RAD51B: variants seen among roughly 807,000 people sequenced by gnomAD.
RAD51B encodes DNA repair protein RAD51 homolog 2.
In RAD51B, 38 loss-of-function variants were observed where a neutral mutation model predicts 42.2. The observed-to-expected ratio is 0.90, with a 90% CI of 0.70 to 1.18. RAD51B has a LOEUF of 1.18. Among genes scored for constraint, RAD51B ranks in the 50% most tolerant of loss-of-function variants. The pLI, the probability that RAD51B is intolerant of heterozygous loss-of-function variation, is 0.00. For missense variants in RAD51B, 373 were observed against 400.7 expected (o/e 0.93, Z 0.59); for synonymous variants, 154 against 145.2 (o/e 1.06, Z -0.43).
chr14:68,010,528 A>G (rs1300356897), intron 7 of RAD51B, among the ~76,000 whole-genome samples: 3 of 151,798 alleles, frequency 2.0e-5, no homozygotes, highest in Non-Finnish European at 4.4e-5. Flanking sequence ...ATACAAATAT[A>G]TAAGATTTTA....
chr14:67,834,636 T>C (rs1335926911), intron 3 of RAD51B, among the ~76,000 whole-genome samples: 1 of 152,136 alleles, frequency 6.6e-6, no homozygotes, highest in African/African-American at 2.4e-5. Flanking sequence ...GTTTCCTCTC[T>C]TGCTTCTTGA....
intron 7 of RAD51B, among the ~76,000 whole-genome samples, chr14:68,223,887 G>A (rs565043190): frequency 6.6e-6 from 1 of 152,340 alleles, no homozygotes; most frequent in Admixed American, 6.5e-5. Flanking sequence ...TTAGCCAGCA[G>A]GGAGGGAGGC....
intron 4 of RAD51B, among the ~76,000 whole-genome samples, chr14:67,854,256 A>G (rs564798821): frequency 1.3e-5 from 2 of 152,336 alleles, no homozygotes; most frequent in East Asian, 3.9e-4. Flanking sequence ...CCTCCAAAAC[A>G]ACTTTTACCC....
At position 68,235,703 on chromosome 14, in the gene RAD51B, C is replaced by CAAAAAA. The variant is rs57180468; in HGVS notation, c.757-56157_757-56152dup. 2.3e-3 allele frequency among the ~76,000 whole-genome samples: 33 copies of CAAAAAA among 14,070 alleles called. 1 individual carries two copies. The highest frequency in any genetic ancestry group is 5.1e-3 in the African/African-American group (32 of 6,288). 9.2% of individuals were successfully genotyped at this position (14,070 alleles called of 152,430 possible). Reference sequence around the variant, plus strand: ...TGGGCGACAGAGCGAGACTCCGTCTCAAAAAAAAAAAAAAAAAAAAAAAAA... The same window carrying CAAAAAA: ...TGGGCGACAGAGCGAGACTCCGTCTCAAAAAAAAAAAAAAAAAAAAAAAAAAAAAAA... On this transcript the variant is annotated intron_variant, in intron 7 of 10. Transcript: ENST00000471583.
chr14:68,613,313 G>A (rs1303073239), downstream of RAD51B, among the ~76,000 whole-genome samples: 1 of 151,990 alleles, frequency 6.6e-6, no homozygotes, highest in African/African-American at 2.4e-5. Flanking sequence ...AGCTACTTGG[G>A]AGGCTGAGAC....
chr14:67,961,020 T>C (rs192430654), intron 7 of RAD51B, among the ~76,000 whole-genome samples: 155 of 152,262 alleles, frequency 1.0e-3, no homozygotes, highest in African/African-American at 3.6e-3. Flanking sequence ...ATTCATTCAT[T>C]TATTCAAGAC....
At chr14:68,364,268 A>C (rs540295524) in intron 8 of RAD51B, among the ~76,000 whole-genome samples, 46 of 151,952 alleles carry the variant, frequency 3.0e-4, no homozygotes, top group East Asian at 1.2e-3. Flanking sequence ...CCCTGTCTCC[A>C]CTCAAGACAC....
intron 7 of RAD51B, among the ~76,000 whole-genome samples, chr14:67,911,402 A>T (rs1388117144): frequency 6.6e-6 from 1 of 152,104 alleles, no homozygotes; most frequent in Non-Finnish European, 1.5e-5. Flanking sequence ...GAGAAGTATT[A>T]TTTTACACCA....
chr14:68,374,354 G>A (rs1001239983), intron 8 of RAD51B, among the ~76,000 whole-genome samples: 10 of 152,224 alleles, frequency 6.6e-5, no homozygotes, highest in Non-Finnish European at 1.3e-4. Flanking sequence ...GTATCTTCCA[G>A]TGGATGTCAA....
intron 10 of RAD51B, among the ~76,000 whole-genome samples, chr14:68,488,620 C>T (rs942824360): frequency 5.3e-5 from 8 of 152,200 alleles, no homozygotes; most frequent in African/African-American, 1.7e-4. Context: ...GTCAGTTTAG[C>T]GGGAATCCCC....
chr14:68,388,078 G>GTGTATA lies in RAD51B; in HGVS notation c.854-23345_854-23344insGTATAT, dbSNP rs1555402265. ...ATTGTGTGTGTGTGTGTGTGTGTGT[G>GTGTATA]TATATATATATATATATTTTTTTTT... On this transcript the variant is annotated intron_variant, in intron 8 of 10. Coordinates refer to ENST00000471583, the MANE Select transcript of RAD51B (RefSeq NM_133510.4). 2.0e-4 allele frequency among the ~76,000 whole-genome samples: 22 copies of GTGTATA among 112,210 alleles called. No individual in the cohort carries two copies. The East Asian group carries it at 2.1e-3, about 11-fold the overall frequency. 73.6% of individuals were successfully genotyped at this position (112,210 alleles called of 152,430 possible).
At chr14:68,299,423 A>G (rs1054212145) in intron 8 of RAD51B, among the ~76,000 whole-genome samples, 9 of 152,100 alleles carry the variant, frequency 5.9e-5, no homozygotes, top group African/African-American at 2.2e-4. Flanking sequence ...TATTCCCTAA[A>G]CAGTACAGTA....
chr14:67,989,736 C>T (rs7154646), intron 7 of RAD51B, among the ~76,000 whole-genome samples: 41,743 of 151,564 alleles, frequency 0.28, 7,504 homozygotes, highest in African/African-American at 0.51. Flanking sequence ...CAGGCCACAA[C>T]TGTAGAGAGA....
At chr14:67,876,611 T>C (rs559104384) in intron 5 of RAD51B, among the ~76,000 whole-genome samples, 1 of 152,304 alleles carries the variant, frequency 6.6e-6, no homozygotes, top group South Asian at 2.1e-4. Context: ...AAAACTAAAA[T>C]GTGGCCTAGA....
chr14:67,925,602 T>C (rs1284395067), intron 7 of RAD51B, among the ~76,000 whole-genome samples: 1 of 152,160 alleles, frequency 6.6e-6, no homozygotes, highest in African/African-American at 2.4e-5. Context: ...TGGAGGATGG[T>C]GGCCATCTTC....
Position 68,095,489 on chromosome 14 carries a change from C to T in RAD51B, c.757-196395C>T, listed in dbSNP as rs1220353711. Reference sequence around the variant, plus strand: ...GAAAAAAAAAGAAGTCTTTCTTTGCCAGATATGGATTTTGTACTTCCCTCC... The same window carrying T: ...GAAAAAAAAAGAAGTCTTTCTTTGCTAGATATGGATTTTGTACTTCCCTCC... On this transcript the variant is annotated intron_variant, in intron 7 of 10. Coordinates refer to ENST00000471583, the MANE Select transcript of RAD51B (RefSeq NM_133510.4). Among the ~76,000 whole-genome samples, 5 of 151,994 alleles carry T rather than the reference C, an allele frequency of 3.3e-5. No homozygotes were observed. In the South Asian group the frequency reaches 1.0e-3, roughly 32 times the overall value.
intron 7 of RAD51B, among the ~76,000 whole-genome samples, chr14:67,901,831 C>T (rs1359714064): frequency 2.6e-5 from 4 of 151,886 alleles, no homozygotes; most frequent in Non-Finnish European, 5.9e-5. Context: ...ACAAATACCA[C>T]ATATAAGTGG....
intron 10 of RAD51B, among the ~76,000 whole-genome samples, chr14:68,514,626 G>C (rs1338661372): frequency 1.3e-5 from 2 of 152,020 alleles, no homozygotes; most frequent in Non-Finnish European, 2.9e-5. Context: ...TTTCCACTTG[G>C]GGTTTTTGTT....
intron 8 of RAD51B, among the ~76,000 whole-genome samples, chr14:68,322,935 GAC>G (rs1009437333): frequency 2.6e-5 from 4 of 152,194 alleles, no homozygotes; most frequent in African/African-American, 7.2e-5. Context: ...GTTAAAAAGG[GAC>G]AGTTAGATGT....
Sources: allele counts gnomAD v4.1 joint callset (sites outside exome capture counted in the v4.1 genomes callset), GRCh38; gene constraint gnomAD v4.1.1; transcripts MANE v1.5; gene names NCBI Gene and HGNC (gene_info 2026-07-23, HGNC 2026-07-21).